The following SYTL2 variants were observed in gnomAD, a reference collection of about 807,000 sequenced individuals.
SYTL2 encodes the protein synaptotagmin like 2, also known as synaptotagmin-like protein 2.
In SYTL2, 165 loss-of-function variants were observed where a neutral mutation model predicts 198.7. The observed-to-expected ratio is 0.83, with a 90% CI of 0.73 to 0.94. The LOEUF (loss-of-function observed/expected upper bound fraction) is 0.94, where lower values mean the gene tolerates loss of function less well. Among genes scored for constraint, SYTL2 ranks in the 40% least tolerant of loss-of-function variants. The pLI is 0.00. For missense variants in SYTL2, 2,835 were observed against 2,582.8 expected (o/e 1.10, Z -2.12); for synonymous variants, 966 against 917.7 (o/e 1.05, Z -0.95).
At position 85,724,022 on chromosome 11, in the gene SYTL2, A is replaced by T. The variant is rs769882484; in HGVS notation, c.5326+10T>A. On this transcript the variant is annotated intron_variant, in intron 8 of 19. Transcript: ENST00000359152. ...GACTCACTGTGAGTTAAAAAATTTT[A>T]AATGCTCACTGGAAGGATTTCTCCA... 4 of 1,426,946 alleles carry T rather than the reference A, an allele frequency of 2.8e-6. No individual in the cohort carries two copies. The Admixed American group carries it at 8.1e-5, about 29-fold the overall frequency. 88.4% of individuals were successfully genotyped at this position (1,426,946 alleles called of 1,614,324 possible).
At chr11:85,785,580 G>A (rs192558788) in intron 1 of SYTL2, among the ~76,000 whole-genome samples, 1 of 152,148 alleles carries the variant, frequency 6.6e-6, no homozygotes, top group Non-Finnish European at 1.5e-5. Context: ...ATGAGAATTT[G>A]AATCATCATG....
intron 9 of SYTL2, chr11:85,719,216 C>A: frequency 1.6e-6 from 2 of 1,220,128 alleles, no homozygotes; most frequent in Non-Finnish European, 2.1e-6. Flanking sequence ...AACCCATGGT[C>A]ATTAACAAAT....
the SYTL2 span, among the ~76,000 whole-genome samples, chr11:85,841,010 A>G: frequency 1.3e-5 from 2 of 152,236 alleles, no homozygotes. Context: ...CAACTCCATT[A>G]GAAAGTGGGC....
At chr11:85,709,153 T>TTTTTTTTTTTTTTTATAGA (rs1468991455) in intron 14 of SYTL2, among the ~76,000 whole-genome samples, 178 bp downstream of exon 14, 1 of 152,086 alleles carries the variant, frequency 6.6e-6, no homozygotes, top group African/African-American at 2.4e-5. Context: ...CTGTGATTTT[T>TTTTTTTTTTTTTTTATAGA]ATAATTTAAT....
Position 85,733,945 on chromosome 11 carries a change from G to A in SYTL2, c.1384C>T (p.Pro462Ser). 6.2e-7 allele frequency: 1 copy of A among 1,613,500 alleles called. No homozygotes were observed. Among genetic ancestry groups the A allele is most frequent in the Non-Finnish European group, 8.5e-7 (1 of 1,179,676 alleles). The stretch of plus-strand genomic sequence containing the variant: ...GTAGTGACAACTCTCTTACCAGCAG[G>A]GCTTCTGGGTAATACAGATTCAAGC... ...TRLESVLPRS[P>S]ADELSHCVEP... is the part of the protein sequence containing the mutation. Residue 462 changes from proline (P) to serine (S), a missense_variant, in exon 7 of 20, where the codon CCT becomes TCT. By Grantham distance (74) the Pro-to-Ser change is moderately conservative. Transcript: ENST00000359152.
At chr11:85,773,397 C>A (rs1289971286) in intron 1 of SYTL2, among the ~76,000 whole-genome samples, 1 of 152,230 alleles carries the variant, frequency 6.6e-6, no homozygotes, top group African/African-American at 2.4e-5. Context: ...CTTTTGCCTG[C>A]AAGGTCTTTC....
At position 85,734,658 on chromosome 11, in the gene SYTL2, C is replaced by T. The variant is rs774498151; in HGVS notation, c.671G>A (p.Gly224Asp). Residue 224 changes from glycine to aspartate, a missense_variant, in exon 7 of 20, where the codon GGC (glycine) becomes GAC (aspartate). Around this residue, in one of 3 missense-constraint regions of SYTL2, gnomAD observed 2,645 missense variants for 2,381.7 expected, o/e 1.11. Transcript: ENST00000359152. Reference sequence around the variant, plus strand: ...CTTGATTTGGGACCCATTTGAAAGGCCTGGCAAAGTCTGCTTTGATTTCTC... The same window carrying T: ...CTTGATTTGGGACCCATTTGAAAGGTCTGGCAAAGTCTGCTTTGATTTCTC... ...KLEKSKQTLP[G>D]LSNGSQIKAP... 18 of 1,614,030 alleles carry T rather than the reference C, an allele frequency of 1.1e-5. No individual in the cohort carries two copies. The highest frequency in any genetic ancestry group is 2.7e-5 in the African/African-American group (2 of 74,910).
At chr11:85,833,330 T>TA in the SYTL2 span, among the ~76,000 whole-genome samples, 1 of 147,928 alleles carries the variant, frequency 6.8e-6, no homozygotes, top group Non-Finnish European at 1.5e-5. Flanking sequence ...ACAATATATA[T>TA]CATATATATC....
At chr11:85,751,535 A>G (rs1310709541) in intron 2 of SYTL2, among the ~76,000 whole-genome samples, 1 of 152,218 alleles carries the variant, frequency 6.6e-6, no homozygotes, top group East Asian at 1.9e-4. Flanking sequence ...TATGTTTAGC[A>G]GAGAGTTAAG....
intron 8 of SYTL2, among the ~76,000 whole-genome samples, chr11:85,722,199 G>C (rs1477575963): frequency 1.0e-5 from 1 of 98,008 alleles, no homozygotes; most frequent in East Asian, 3.3e-4. Context: ...TTTTTTTTGA[G>C]ATGAAGTCTT....
At chr11:85,805,071 T>C (rs1411593431) in intron 1 of SYTL2, among the ~76,000 whole-genome samples, 1 of 152,200 alleles carries the variant, frequency 6.6e-6, no homozygotes, top group Non-Finnish European at 1.5e-5. Flanking sequence ...ATTCTCATTT[T>C]ATAGACACAT....
At chr11:85,738,047 C>A (rs1295631395) in intron 4 of SYTL2, among the ~76,000 whole-genome samples, 2 of 152,210 alleles carry the variant, frequency 1.3e-5, no homozygotes, top group African/African-American at 4.8e-5. Flanking sequence ...GTTACCACCA[C>A]CAGTTCTCTC....
At chr11:85,795,707 C>A (rs912882408) in intron 1 of SYTL2, among the ~76,000 whole-genome samples, 1 of 152,140 alleles carries the variant, frequency 6.6e-6, no homozygotes, top group Admixed American at 6.5e-5. Context: ...AAAATTTTCA[C>A]CTTTTTAAAT....
At chr11:85,695,612 G>C (rs1481658152) in intron 19 of SYTL2, among the ~76,000 whole-genome samples, 1 of 152,186 alleles carries the variant, frequency 6.6e-6, no homozygotes, top group Non-Finnish European at 1.5e-5. Flanking sequence ...AGGGAGTTGG[G>C]AGGACTCCTG....
chr11:85,785,257 C>T (rs756063265), intron 1 of SYTL2, among the ~76,000 whole-genome samples: 26 of 152,128 alleles, frequency 1.7e-4, no homozygotes, highest in Non-Finnish European at 3.5e-4. Flanking sequence ...CTCAACAAAA[C>T]TAAAATGAAA....
chr11:85,726,852 C>T lies in SYTL2; in HGVS notation c.2506G>A (p.Val836Ile), dbSNP rs552737738. ...GTAGATAAACTGTCCATGGATGATA[C>T]ACCCTGTGACTTCTTCACAGGCTGA... ...AYQPVKKSQGVSSMDSLSTDQ... is the reference protein window; with the variant it reads ...AYQPVKKSQGISSMDSLSTDQ... The change falls in exon 8 of 20, where the codon GTA becomes ATA. Residue 836 changes from valine (V) to isoleucine (I), a missense_variant. By Grantham distance (29) the Val-to-Ile change is conservative. This residue lies in a region of SYTL2 where 2,645 missense variants were observed against 2,381.7 expected (regional missense o/e 1.11). Transcript: ENST00000359152. The T allele has an allele frequency of 5.5e-5, 84 of 1,536,546 alleles. No individual in the cohort carries two copies. The African/African-American group carries it at 6.2e-4, about 11-fold the overall frequency.
intron 1 of SYTL2, among the ~76,000 whole-genome samples, chr11:85,806,347 T>C (rs77071288): frequency 0.016 from 2,457 of 152,332 alleles, 79 homozygotes; most frequent in African/African-American, 0.056. Context: ...CATGTGCTTC[T>C]CCCACATTCT....
At chr11:85,817,527 T>A in the SYTL2 span, among the ~76,000 whole-genome samples, 1 of 152,274 alleles carries the variant, frequency 6.6e-6, no homozygotes, top group Non-Finnish European at 1.5e-5. Context: ...TACTTTTTAG[T>A]GTGGCTACTG....
Position 85,724,143 on chromosome 11 carries a change from C to T in SYTL2, c.5215G>A (p.Ala1739Thr), listed in dbSNP as rs1274454688. Residue 1739 changes from alanine (A) to threonine (T), a missense_variant, in exon 8 of 20, where the codon GCA becomes ACA. Physicochemically the swap from Ala to Thr is moderately conservative, Grantham distance 58 (BLOSUM62 0). Coordinates refer to ENST00000359152, the MANE Select transcript of SYTL2 (RefSeq NM_206927.4). The part of the protein sequence containing the change: ...TKTSKVELTL[A>T]SPYMKQEKEE... Reference sequence around the variant, plus strand: ...TTCTCTTGTTTCATATATGGCGATGCTAGAGTCAATTCAACTTTACTTGTT... The same window carrying T: ...TTCTCTTGTTTCATATATGGCGATGTTAGAGTCAATTCAACTTTACTTGTT... The T allele has an allele frequency of 6.2e-7, 1 of 1,601,252 alleles. No homozygotes were observed. Among genetic ancestry groups the T allele is most frequent in the Non-Finnish European group, 8.5e-7 (1 of 1,176,972 alleles).
Sources: allele counts gnomAD v4.1 joint callset (sites outside exome capture counted in the v4.1 genomes callset), GRCh38; gene constraint gnomAD v4.1.1; regional missense constraint gnomAD v4.1.1; transcripts MANE v1.5; gene names NCBI Gene and HGNC (gene_info 2026-07-23, HGNC 2026-07-21).